MTMR3: variants seen among roughly 807,000 people sequenced by gnomAD.
MTMR3 encodes the protein phosphatidylinositol-3,5-bisphosphate 3-phosphatase MTMR3.
MTMR3 carries 32 observed loss-of-function variants against 132.4 expected under a neutral mutation model. That is an observed-to-expected ratio of 0.24 (90% CI 0.18 to 0.32). The LOEUF (loss-of-function observed/expected upper bound fraction) is 0.32. MTMR3 is among the 10% of genes least tolerant of loss of function. MTMR3 has a pLI of 1.00. For missense variants in MTMR3, 1,216 were observed against 1,489.6 expected, an observed-to-expected ratio of 0.82 and a Z score of 3.02; for synonymous variants, 556 against 550.3, an observed-to-expected ratio of 1.01 and a Z score of -0.14.
chr22:29,902,808 G>A (rs2065025983), intron 1 of MTMR3, among the ~76,000 whole-genome samples: 1 of 152,148 alleles, frequency 6.6e-6, no homozygotes, highest in African/African-American at 2.4e-5. Context: ...ATGTGAATAA[G>A]ACATAAAACT....
intron 1 of MTMR3, among the ~76,000 whole-genome samples, chr22:29,934,735 G>A (rs1426780078): frequency 2.0e-5 from 3 of 152,146 alleles, no homozygotes; most frequent in Non-Finnish European, 4.4e-5. Flanking sequence ...TTTGACCTTG[G>A]ACAAGTTATT....
chr22:29,900,979 G>A (rs1458492274), intron 1 of MTMR3, among the ~76,000 whole-genome samples: 6 of 152,144 alleles, frequency 3.9e-5, no homozygotes, highest in African/African-American at 1.4e-4. Flanking sequence ...GAGCCACTGC[G>A]TCCGGCCTAA....
At chr22:29,923,300 C>T (rs577385927) in intron 1 of MTMR3, among the ~76,000 whole-genome samples, 3 of 151,484 alleles carry the variant, frequency 2.0e-5, no homozygotes, top group African/African-American at 7.3e-5. Context: ...TCTCAATCTC[C>T]TGGCCTTGTG....
intron 9 of MTMR3, chr22:30,003,915 C>T (rs2067224796): frequency 6.6e-6 from 1 of 152,164 alleles, no homozygotes; most frequent in Non-Finnish European, 1.5e-5. Flanking sequence ...GCTTTTTGGA[C>T]TCTCCCTGAG....
At chr22:29,911,473 G>T (rs1019726981) in intron 1 of MTMR3, among the ~76,000 whole-genome samples, 1 of 152,090 alleles carries the variant, frequency 6.6e-6, no homozygotes, top group South Asian at 2.1e-4. Flanking sequence ...AGTCTGGAAG[G>T]TCAAGGTTGC....
At chr22:29,984,746 T>C (rs1271812628) in intron 5 of MTMR3, 1 of 152,244 alleles carries the variant, frequency 6.6e-6, no homozygotes, top group African/African-American at 2.4e-5. Context: ...GCTACTCTTT[T>C]ACAAAAGGAA....
chr22:29,986,121 A>G (rs2066852547), intron 5 of MTMR3: 1 of 152,218 alleles, frequency 6.6e-6, no homozygotes, highest in Admixed American at 6.5e-5. Flanking sequence ...AGCTCACTCT[A>G]ATCCTATCCC....
chr22:29,997,845 G>A (rs1226827597), intron 7 of MTMR3: 4 of 152,104 alleles, frequency 2.6e-5, no homozygotes, highest in African/African-American at 9.7e-5. Context: ...ATCCCACCTG[G>A]TATGAATGAT....
intron 15 of MTMR3, 94 bp downstream of exon 15, chr22:30,016,792 A>C: frequency 7.3e-7 from 1 of 1,371,748 alleles, no homozygotes; most frequent in Non-Finnish European, 1.0e-6. Context: ...TGTTTTTGTG[A>C]AGACATCTCT....
At chr22:29,912,610 A>T (rs1030287866) in intron 1 of MTMR3, among the ~76,000 whole-genome samples, 1 of 152,170 alleles carries the variant, frequency 6.6e-6, no homozygotes, top group African/African-American at 2.4e-5. Flanking sequence ...TGTTGTCATT[A>T]TGTTGCCTTT....
At chr22:29,918,938 A>C (rs564669736) in intron 1 of MTMR3, among the ~76,000 whole-genome samples, 110 of 152,178 alleles carry the variant, frequency 7.2e-4, no homozygotes, top group South Asian at 2.7e-3. Flanking sequence ...TATTGCTGAG[A>C]TCTCACTTTG....
intron 1 of MTMR3, among the ~76,000 whole-genome samples, chr22:29,932,848 C>A (rs1036651457): frequency 6.6e-6 from 1 of 152,140 alleles, no homozygotes; most frequent in Non-Finnish European, 1.5e-5. Context: ...CATTTTGTTT[C>A]ATGTGCTTTA....
intron 8 of MTMR3, 90 bp downstream of exon 8, chr22:29,998,947 C>CTTAAGTCT: frequency 1.3e-6 from 1 of 753,084 alleles, no homozygotes; most frequent in Non-Finnish European, 2.1e-6. Context: ...TGAACTTAGA[C>CTTAAGTCT]TTTTTATTTG....
chr22:29,945,204 C>T (rs573925097), intron 1 of MTMR3, among the ~76,000 whole-genome samples: 9 of 152,066 alleles, frequency 5.9e-5, no homozygotes, highest in Non-Finnish European at 8.8e-5. Flanking sequence ...GGGATTTTGC[C>T]GTGTTGCCCA....
intron 1 of MTMR3, among the ~76,000 whole-genome samples, chr22:29,883,960 G>A (rs967177322): frequency 2.0e-5 from 3 of 152,216 alleles, no homozygotes; most frequent in African/African-American, 7.2e-5. Context: ...TGGTCAGACT[G>A]CTCCGCAAAT....
intron 2 of MTMR3, among the ~76,000 whole-genome samples, chr22:29,966,945 A>C (rs964378151): frequency 6.6e-6 from 1 of 151,952 alleles, no homozygotes; most frequent in Admixed American, 6.6e-5. Flanking sequence ...GTAGTCTTTT[A>C]TATGTTTCTT....
At chr22:29,967,285 C>T (rs1483218750) in intron 2 of MTMR3, among the ~76,000 whole-genome samples, 1 of 151,756 alleles carries the variant, frequency 6.6e-6, no homozygotes, top group Non-Finnish European at 1.5e-5. Context: ...CTCTGTCACT[C>T]AGGCTGGAGT....
At chr22:29,943,350 G>A (rs546351169) in intron 1 of MTMR3, among the ~76,000 whole-genome samples, 15 of 151,886 alleles carry the variant, frequency 9.9e-5, no homozygotes, top group South Asian at 4.2e-4. Flanking sequence ...CTGCCACCAC[G>A]CCCGGCTAAT....
At chr22:29,910,851 A>G (rs2065198310) in intron 1 of MTMR3, among the ~76,000 whole-genome samples, 2 of 152,204 alleles carry the variant, frequency 1.3e-5, no homozygotes, top group Admixed American at 1.3e-4. Flanking sequence ...AAACCAGAGC[A>G]TGTGTGACAG....
Sources: allele counts gnomAD v4.1 joint callset (sites outside exome capture counted in the v4.1 genomes callset), GRCh38; gene constraint gnomAD v4.1.1; transcripts MANE v1.5; gene names NCBI Gene and HGNC (gene_info 2026-07-23, HGNC 2026-07-21).